Variants in SNTG2 observed in about 807,000 individuals in gnomAD.
SNTG2 encodes the protein syntrophin gamma 2.
In SNTG2, 74 loss-of-function variants were observed where a neutral mutation model predicts 70.9. That is an observed-to-expected ratio of 1.04 (90% CI 0.86 to 1.27). SNTG2 has a LOEUF of 1.27. SNTG2 is among the 50% of genes most tolerant of loss of function. The pLI, the probability that SNTG2 is intolerant of heterozygous loss-of-function variation, is 0.00. For missense variants in SNTG2, 717 were observed against 690.7 expected, an observed-to-expected ratio of 1.04 and a Z score of -0.43; for synonymous variants, 278 against 273.8, an observed-to-expected ratio of 1.02 and a Z score of -0.15.
chr2:1,297,586 G>A (rs1312261675), intron 14 of SNTG2, among the ~76,000 whole-genome samples: 1 of 151,974 alleles, frequency 6.6e-6, no homozygotes, highest in East Asian at 1.9e-4. Flanking sequence ...CTCCTTCCCA[G>A]CGGCCCAGCC....
intron 1 of SNTG2, among the ~76,000 whole-genome samples, chr2:1,061,671 G>C (rs1175521572): frequency 6.6e-6 from 1 of 152,182 alleles, no homozygotes; most frequent in Non-Finnish European, 1.5e-5. Flanking sequence ...GCTCGTCTCT[G>C]AGTAACGAAG....
intron 2 of SNTG2, among the ~76,000 whole-genome samples, chr2:1,096,613 G>A (rs1220042188): frequency 6.6e-6 from 1 of 152,218 alleles, no homozygotes; most frequent in Non-Finnish European, 1.5e-5. Flanking sequence ...ACTCGGCACA[G>A]TGTCCTCCAG....
intron 2 of SNTG2, among the ~76,000 whole-genome samples, chr2:1,095,202 C>T (rs567511660): frequency 6.6e-6 from 1 of 152,304 alleles, no homozygotes; most frequent in Non-Finnish European, 1.5e-5. Context: ...TCCTACAGGC[C>T]CTACCTCCAA....
chr2:1,010,584 C>A (rs1659701769), intron 1 of SNTG2, among the ~76,000 whole-genome samples: 1 of 152,204 alleles, frequency 6.6e-6, no homozygotes, highest in Non-Finnish European at 1.5e-5. Context: ...TAAATGCTTG[C>A]AAAACACACA....
At chr2:1,239,643 G>T in intron 10 of SNTG2, 95 bp from the exon 11 acceptor site, 1 of 1,341,476 alleles carries the variant, frequency 7.5e-7, no homozygotes, top group Non-Finnish European at 1.1e-6. Context: ...CTGTTTCCCA[G>T]GACAGAGCGT....
intron 1 of SNTG2, among the ~76,000 whole-genome samples, chr2:1,054,982 CTTTA>C (rs1662300695): frequency 6.8e-6 from 1 of 147,342 alleles, no homozygotes; most frequent in African/African-American, 2.5e-5. Flanking sequence ...TTCCTTTGGT[CTTTA>C]TTTCATTCAG....
chr2:1,258,182 A>T (rs912127498), intron 12 of SNTG2, among the ~76,000 whole-genome samples: 1 of 152,186 alleles, frequency 6.6e-6, no homozygotes, highest in African/African-American at 2.4e-5. Context: ...TGTGGAATTC[A>T]GGGTGATGTT....
chr2:1,220,875 C>T (rs1464534414), intron 9 of SNTG2, among the ~76,000 whole-genome samples: 5 of 152,300 alleles, frequency 3.3e-5, no homozygotes, highest in African/African-American at 9.6e-5. Context: ...TCCACGGGCA[C>T]GTAGGTGAAT....
intron 16 of SNTG2, among the ~76,000 whole-genome samples, chr2:1,364,696 TC>T (rs1332785230): frequency 7.0e-6 from 1 of 143,134 alleles, no homozygotes; most frequent in Non-Finnish European, 1.5e-5. Context: ...GTTGAGACCA[TC>T]CTGGCTAACA....
At position 1,267,354 on chromosome 2, in the gene SNTG2, CT is replaced by C. The variant is rs1469544203; in HGVS notation, c.1078-10del. The C allele has an allele frequency of 6.3e-7, 1 of 1,585,666 alleles. No homozygotes were observed. Among genetic ancestry groups the C allele is most frequent in the African/African-American group, 1.3e-5 (1 of 74,736 alleles). ...GCGCTGCACGTTTCCAATCCATGCT[CT>C]GTTTTTCAGTTCTGGCTCACAGAGG... On this transcript the variant is annotated splice_polypyrimidine_tract_variant and intron_variant, in intron 13 of 16. Transcript: ENST00000308624.
At chr2:981,565 GCA>G (rs1661096861) in intron 1 of SNTG2, among the ~76,000 whole-genome samples, 1 of 151,636 alleles carries the variant, frequency 6.6e-6, no homozygotes, top group Admixed American at 6.6e-5. Flanking sequence ...ACACATGCCT[GCA>G]CACACATACG....
intron 2 of SNTG2, among the ~76,000 whole-genome samples, chr2:1,096,849 A>G (rs1665422977): frequency 6.6e-6 from 1 of 152,180 alleles, no homozygotes; most frequent in Non-Finnish European, 1.5e-5. Context: ...CATTTCAGGT[A>G]AATACTGAGA....
intron 1 of SNTG2, among the ~76,000 whole-genome samples, chr2:978,850 T>C (rs1660999056): frequency 1.3e-5 from 2 of 152,226 alleles, no homozygotes; most frequent in African/African-American, 4.8e-5. Flanking sequence ...GAAAGTCCCT[T>C]AGCTTATTTG....
At chr2:973,381 A>C (rs766579693) in intron 1 of SNTG2, among the ~76,000 whole-genome samples, 1 of 152,078 alleles carries the variant, frequency 6.6e-6, no homozygotes, top group Admixed American at 6.5e-5. Context: ...AACTACTTTC[A>C]GGGAGTTTTC....
chr2:1,170,453 C>G (rs1181007848), intron 7 of SNTG2, among the ~76,000 whole-genome samples: 1 of 152,132 alleles, frequency 6.6e-6, no homozygotes, highest in Non-Finnish European at 1.5e-5. Context: ...TCAGGAAGGG[C>G]CTTGAAGGCC....
chr2:1,305,765 C>T (rs1004261228), intron 14 of SNTG2, among the ~76,000 whole-genome samples: 4 of 152,252 alleles, frequency 2.6e-5, no homozygotes, highest in African/African-American at 9.6e-5. Context: ...TAGATGAAAG[C>T]TTTCTCTTTT....
At chr2:982,203 C>G (rs1426521227) in intron 1 of SNTG2, among the ~76,000 whole-genome samples, 2 of 152,190 alleles carry the variant, frequency 1.3e-5, no homozygotes, top group Admixed American at 1.3e-4. Flanking sequence ...TCCTGCTCTC[C>G]TTGTTTTCTT....
At chr2:1,234,139 C>G (rs556978842) in intron 9 of SNTG2, among the ~76,000 whole-genome samples, 1 of 152,014 alleles carries the variant, frequency 6.6e-6, no homozygotes, top group African/African-American at 2.4e-5. Flanking sequence ...GGAGGAAACT[C>G]GGAGGAAACC....
chr2:1,319,389 C>G (rs1358729745), intron 16 of SNTG2, among the ~76,000 whole-genome samples: 5 of 152,188 alleles, frequency 3.3e-5, no homozygotes, highest in East Asian at 3.9e-4. Flanking sequence ...ATACAGCAAC[C>G]TAGCTACACT....
Sources: allele counts gnomAD v4.1 joint callset (sites outside exome capture counted in the v4.1 genomes callset), GRCh38; gene constraint gnomAD v4.1.1; transcripts MANE v1.5; gene names NCBI Gene and HGNC (gene_info 2026-07-23, HGNC 2026-07-21).